SHBG: variants seen among roughly 807,000 people sequenced by gnomAD.
SHBG encodes the protein sex hormone binding globulin.
Under a neutral mutation model 41.9 loss-of-function variants are expected in SHBG, and 37 were observed. The observed-to-expected ratio is 0.88, with a 90% confidence interval of 0.68 to 1.16. The LOEUF is 1.16. Ranked by LOEUF, SHBG falls within the 50% of genes most tolerant of loss-of-function variation. SHBG has a pLI of 0.00. For missense variants in SHBG, 466 were observed against 499.9 expected (o/e 0.93, Z 0.65); for synonymous variants, 217 against 205.8 (o/e 1.05, Z -0.47).
intron 1 of SHBG, among the ~76,000 whole-genome samples, chr17:7,621,775 G>A (rs879769038): frequency 6.6e-6 from 1 of 151,912 alleles, no homozygotes; most frequent in Admixed American, 6.6e-5. Context: ...GGAGGTTGTG[G>A]CAATTTTCAA....
chr17:7,631,348 A>G lies in SHBG; in HGVS notation c.542A>G (p.Asn181Ser), dbSNP rs765896254. The G allele has an allele frequency of 1.3e-5, 21 of 1,613,184 alleles. No homozygotes were observed. In the Admixed American group the frequency reaches 3.5e-4, roughly 27 times the overall value. Residue 181 changes from asparagine to serine, a missense_variant, in exon 4 of 8, where the codon AAC (asparagine) becomes AGC (serine). Asn to Ser is a conservative substitution (Grantham distance 46, BLOSUM62 1). Coordinates refer to ENST00000380450, the MANE Select transcript of SHBG (RefSeq NM_001040.5). ...ALGGLLFPAS[N>S]LRLPLVPALD... ...GGGGGGCTGCTCTTCCCCGCTTCCA[A>G]CCTTCGGTTGCCGGTAACTACACCC...
At position 7,630,318 on chromosome 17, in the gene SHBG, G is replaced by A; in HGVS notation, c.111+35G>A. The A allele has an allele frequency of 1.3e-6, 2 of 1,596,852 alleles. No homozygotes were observed. Among genetic ancestry groups the A allele is most frequent in the Non-Finnish European group, 1.7e-6 (2 of 1,164,768 alleles). On this transcript the variant is annotated intron_variant, in intron 1 of 7. Coordinates refer to ENST00000380450, the MANE Select transcript of SHBG (RefSeq NM_001040.5). The surrounding 1 kb of genome is among the most constrained non-coding windows in gnomAD (Gnocchi z 4.6). Reference sequence around the variant, plus strand: ...CGGGACAGGGCACTCAGCTCATGCAGTCTTCCCTTCTCTCCTCTGGCCCTG... The same window carrying A: ...CGGGACAGGGCACTCAGCTCATGCAATCTTCCCTTCTCTCCTCTGGCCCTG...
upstream of SHBG, chr17:7,627,188 G>C (rs773016800): frequency 6.2e-7 from 1 of 1,614,130 alleles, no homozygotes; most frequent in Admixed American, 1.7e-5. This position sits in a 1 kb window ranked among gnomAD's most constrained non-coding sequence, Gnocchi z 4.8. Flanking sequence ...ACCAAACAGT[G>C]ATAGAAAGGA....
chr17:7,626,922 G>GCCTC, upstream of SHBG: 4 of 1,610,986 alleles, frequency 2.5e-6, no homozygotes, highest in Non-Finnish European at 3.4e-6. Flanking sequence ...TCCCACCCCA[G>GCCTC]CCTCAGCTTC....
At chr17:7,625,101 C>T (rs2072171006), upstream of SHBG, among the ~76,000 whole-genome samples, 2 of 151,668 alleles carry the variant, frequency 1.3e-5, no homozygotes, top group South Asian at 2.1e-4. Context: ...AGGCGCCTGC[C>T]ACCACGCCTG....
chr17:7,632,605 G>T, intron 6 of SHBG, 147 bp from the exon 7 acceptor site: 1 of 663,260 alleles, frequency 1.5e-6, no homozygotes, highest in Non-Finnish European at 2.7e-6. Context: ...AAAAAAAATT[G>T]GGGCAGGATT....
intron 1 of SHBG, among the ~76,000 whole-genome samples, chr17:7,615,433 A>T (rs1010456504): frequency 6.6e-6 from 1 of 152,218 alleles, no homozygotes; most frequent in Non-Finnish European, 1.5e-5. Context: ...CATCGCCGAT[A>T]TTTTAAGAAT....
chr17:7,618,149 G>A (rs2072025748), intron 1 of SHBG, among the ~76,000 whole-genome samples: 1 of 150,382 alleles, frequency 6.6e-6, no homozygotes, highest in African/African-American at 2.4e-5. Context: ...AACTTGGGAG[G>A]CTGAAGTTGC....
chr17:7,621,322 C>T (rs529246095), intron 1 of SHBG, among the ~76,000 whole-genome samples: 2 of 141,442 alleles, frequency 1.4e-5, no homozygotes, highest in Admixed American at 1.4e-4. Flanking sequence ...ATGGGCTTGA[C>T]ACAGTGGCTC....
intron 6 of SHBG, among the ~76,000 whole-genome samples, chr17:7,632,321 G>T (rs1359339467): frequency 2.0e-5 from 3 of 151,884 alleles, no homozygotes; most frequent in Admixed American, 1.3e-4. Flanking sequence ...GCACATGTCT[G>T]CTGCCCTAGC....
At chr17:7,630,062 C>A, upstream of SHBG, 1 of 899,042 alleles carries the variant, frequency 1.1e-6, no homozygotes, top group African/African-American at 1.6e-5. This position sits in a 1 kb window ranked among gnomAD's most constrained non-coding sequence, Gnocchi z 4.6. Context: ...GTTTCCTTTA[C>A]CCCCTCCTCC....
upstream of SHBG, chr17:7,627,503 C>T (rs1174705582): frequency 1.3e-6 from 2 of 1,595,400 alleles, no homozygotes; most frequent in East Asian, 4.5e-5. The surrounding 1 kb of genome is among the most constrained non-coding windows in gnomAD (Gnocchi z 4.8). Flanking sequence ...CCCCCTGCCC[C>T]CGCCTCCTAC....
upstream of SHBG, chr17:7,627,883 G>A: frequency 1.6e-6 from 1 of 629,318 alleles, no homozygotes; most frequent in Non-Finnish European, 3.0e-6. This position sits in a 1 kb window ranked among gnomAD's most constrained non-coding sequence, Gnocchi z 4.8. Flanking sequence ...TTCTGTCGCA[G>A]CAGGGGGCAC....
intron 1 of SHBG, among the ~76,000 whole-genome samples, chr17:7,617,910 C>G (rs974339652): frequency 2.0e-5 from 3 of 152,042 alleles, no homozygotes; most frequent in East Asian, 3.9e-4. Flanking sequence ...ATGGCGAAAC[C>G]CTTTCTCTAC....
chr17:7,633,084 G>A, intron 7 of SHBG, 120 bp from the exon 8 acceptor site: 1 of 1,414,250 alleles, frequency 7.1e-7, no homozygotes, highest in Non-Finnish European at 1.0e-6. Context: ...AGAAGATATG[G>A]GGGCAGTGGA....
upstream of SHBG, chr17:7,626,439 G>C: frequency 1.2e-6 from 2 of 1,613,764 alleles, no homozygotes. Context: ...ATCCTCCTAG[G>C]GATGGCGTCA....
At chr17:7,627,938 C>CG (rs1252293852), upstream of SHBG, 3 of 545,272 alleles carry the variant, frequency 5.5e-6, no homozygotes, top group Admixed American at 2.4e-5. This position sits in a 1 kb window ranked among gnomAD's most constrained non-coding sequence, Gnocchi z 4.8. Flanking sequence ...GCCGCGTCCC[C>CG]CCCAAGCCCC....
chr17:7,614,973 A>C (rs1433681826), intron 1 of SHBG: 1 of 152,390 alleles, frequency 6.6e-6, no homozygotes, highest in Non-Finnish European at 1.5e-5. Context: ...TTAGAGCCCC[A>C]GCTAGCGCCA....
chr17:7,632,534 C>T (rs1414215291), intron 6 of SHBG, among the ~76,000 whole-genome samples: 1 of 152,154 alleles, frequency 6.6e-6, no homozygotes, highest in African/African-American at 2.4e-5. Context: ...AGCAAGCAAA[C>T]AGTTTTGACT....
Sources: gnomAD v4.1 joint callset for allele counts (sites outside exome capture counted in the v4.1 genomes callset) on GRCh38, gnomAD v4.1.1 for gene constraint, Gnocchi (gnomAD v3.1) non-coding constraint, MANE v1.5 for transcripts, NCBI Gene and HGNC (gene_info 2026-07-23, HGNC 2026-07-21) for gene names.